Variants in ADAM22 observed in about 807,000 individuals in gnomAD.
ADAM22 encodes the protein disintegrin and metalloproteinase domain-containing protein 22.
Under a neutral mutation model 144.6 loss-of-function variants are expected in ADAM22, and 65 were observed. That is an observed-to-expected ratio of 0.45 (90% confidence interval 0.37 to 0.55). ADAM22 has a LOEUF of 0.55. Among genes scored for constraint, ADAM22 ranks in the 20% least tolerant of loss-of-function variants. The pLI is 0.00. For synonymous variants in ADAM22, 391 were observed against 412.6 expected, an observed-to-expected ratio of 0.95 and a Z score of 0.63; for missense variants, 974 against 1,184.9, an observed-to-expected ratio of 0.82 and a Z score of 2.61.
chr7:88,077,124 T>G lies in ADAM22; in HGVS notation c.390+1432T>G, dbSNP rs150391330. Among the ~76,000 whole-genome samples the G allele has an allele frequency of 4.0e-4, 61 of 152,350 alleles. No homozygotes were observed. The East Asian group carries it at 9.1e-3, about 23-fold the overall frequency. ...TTGCTTCTGTATCATTTTGTAAACA[T>G]TTGCCAAGTTATTTTCCCATAAAGC... is the stretch of plus-strand genomic sequence containing the variant. On this transcript the variant is annotated intron_variant, in intron 4 of 31. Coordinates refer to ENST00000413139, the MANE Select transcript of ADAM22 (RefSeq NM_001324418.2).
chr7:87,957,022 A>G (rs899880307), intron 2 of ADAM22, among the ~76,000 whole-genome samples: 2 of 152,156 alleles, frequency 1.3e-5, no homozygotes, highest in African/African-American at 4.8e-5. Flanking sequence ...CCTATGGTGC[A>G]CTCAAGTGAT....
At chr7:88,095,032 G>C (rs895041233) in intron 4 of ADAM22, among the ~76,000 whole-genome samples, 1 of 152,230 alleles carries the variant, frequency 6.6e-6, no homozygotes, top group South Asian at 2.1e-4. Flanking sequence ...CAGAGCTTTG[G>C]GTGTGGGAAA....
At chr7:87,990,238 T>A (rs1477946315) in intron 3 of ADAM22, among the ~76,000 whole-genome samples, 1 of 152,044 alleles carries the variant, frequency 6.6e-6, no homozygotes. Flanking sequence ...ATAAAAGAGG[T>A]ATGGCCAGTG....
chr7:88,087,850 G>A (rs1267635605), intron 4 of ADAM22, among the ~76,000 whole-genome samples: 7 of 152,094 alleles, frequency 4.6e-5, no homozygotes, highest in Non-Finnish European at 8.8e-5. Flanking sequence ...AGAGACATCC[G>A]TTACACAATA....
At chr7:88,039,464 A>AAAAAAAAAAAATATATATATAT in intron 3 of ADAM22, among the ~76,000 whole-genome samples, 18 of 76,378 alleles carry the variant, frequency 2.4e-4, no homozygotes, top group African/African-American at 8.5e-4. Context: ...AAAAAAAAAA[A>AAAAAAAAAAAATATATATATAT]ATATATATAT....
chr7:88,185,491 G>A (rs1586602572), intron 29 of ADAM22, among the ~76,000 whole-genome samples: 1 of 152,060 alleles, frequency 6.6e-6, no homozygotes, highest in East Asian at 1.9e-4. Context: ...CCCCTGGTTT[G>A]TTTACAAATA....
chr7:88,187,803 AG>A, intron 30 of ADAM22, among the ~76,000 whole-genome samples: 1 of 152,258 alleles, frequency 6.6e-6, no homozygotes, highest in East Asian at 1.9e-4. Flanking sequence ...AGTTATGCAT[AG>A]TTTGAGAAAA....
At chr7:88,016,695 T>C (rs1796607266) in intron 3 of ADAM22, among the ~76,000 whole-genome samples, 1 of 152,194 alleles carries the variant, frequency 6.6e-6, no homozygotes. Flanking sequence ...TAGTATGCTC[T>C]GTGTTCTCAC....
At chr7:88,046,449 T>A (rs1449811260) in intron 3 of ADAM22, among the ~76,000 whole-genome samples, 3 of 152,222 alleles carry the variant, frequency 2.0e-5, no homozygotes, top group African/African-American at 7.2e-5. Context: ...TTTTTTGAGT[T>A]CCTCATATAT....
At chr7:88,153,363 G>A in intron 21 of ADAM22, 37 bp downstream of exon 21, 2 of 1,546,384 alleles carry the variant, frequency 1.3e-6, no homozygotes, top group Non-Finnish European at 8.9e-7. Flanking sequence ...TCATCCCTTG[G>A]TCAATTACAA....
intron 7 of ADAM22, among the ~76,000 whole-genome samples, chr7:88,123,985 A>G (rs1829874479): frequency 6.6e-6 from 1 of 151,812 alleles, no homozygotes. Context: ...ACTCTGTGTC[A>G]TTTCATTTTC....
At chr7:88,007,172 T>A (rs895899614) in intron 3 of ADAM22, among the ~76,000 whole-genome samples, 3 of 152,098 alleles carry the variant, frequency 2.0e-5, no homozygotes, top group African/African-American at 7.2e-5. Flanking sequence ...AATGAGATAC[T>A]TAGGAATCCA....
chr7:88,011,258 G>A (rs1026469806), intron 3 of ADAM22, among the ~76,000 whole-genome samples: 37 of 152,122 alleles, frequency 2.4e-4, no homozygotes, highest in Admixed American at 4.6e-4. Context: ...AATTGATATT[G>A]AACATTGAAA....
At chr7:88,031,734 C>A (rs922644539) in intron 3 of ADAM22, among the ~76,000 whole-genome samples, 1 of 152,240 alleles carries the variant, frequency 6.6e-6, no homozygotes, top group African/African-American at 2.4e-5. Flanking sequence ...CCCCTCCCAT[C>A]ACAGGCCTGG....
At chr7:88,025,206 A>G (rs1012273264) in intron 3 of ADAM22, among the ~76,000 whole-genome samples, 2 of 152,140 alleles carry the variant, frequency 1.3e-5, no homozygotes, top group Admixed American at 6.5e-5. Context: ...CATCCTCTCC[A>G]GCACCTGTTG....
chr7:88,039,464 A>AAAATATATATATATATATATATATATAT, intron 3 of ADAM22, among the ~76,000 whole-genome samples: 1 of 76,402 alleles, frequency 1.3e-5, no homozygotes, highest in Non-Finnish European at 2.7e-5. Flanking sequence ...AAAAAAAAAA[A>AAAATATATATATATATATATATATATAT]ATATATATAT....
intron 3 of ADAM22, among the ~76,000 whole-genome samples, chr7:88,044,183 C>G (rs948380227): frequency 1.3e-5 from 2 of 152,208 alleles, no homozygotes; most frequent in African/African-American, 4.8e-5. Context: ...TGCAGTTCCA[C>G]TCTTAGCTAA....
chr7:88,086,811 A>G (rs1241737769), intron 4 of ADAM22, among the ~76,000 whole-genome samples: 1 of 152,218 alleles, frequency 6.6e-6, no homozygotes, highest in East Asian at 1.9e-4. Context: ...GCTGCTTTAT[A>G]GCTTGTTTTG....
intron 9 of ADAM22, among the ~76,000 whole-genome samples, 174 bp from the exon 10 acceptor site, chr7:88,130,214 A>G (rs1831413026): frequency 6.6e-6 from 1 of 152,080 alleles, no homozygotes. Context: ...CAGATAAAGA[A>G]CTTGATCTCA....
Sources: gnomAD v4.1 joint callset for allele counts (sites outside exome capture counted in the v4.1 genomes callset) on GRCh38, gnomAD v4.1.1 for gene constraint, MANE v1.5 for transcripts, NCBI Gene and HGNC (gene_info 2026-07-23, HGNC 2026-07-21) for gene names.